Variants in NCK1 observed in about 807,000 individuals in gnomAD.
NCK1 encodes the protein NCK adaptor protein 1.
Under a neutral mutation model 36.6 loss-of-function variants are expected in NCK1, and 19 were observed. The observed-to-expected ratio is 0.52, with a 90% CI of 0.36 to 0.76. The LOEUF is 0.76. Ranked by LOEUF, NCK1 falls within the 30% of genes least tolerant of loss-of-function variation. The pLI, the probability that NCK1 is intolerant of heterozygous loss-of-function variation, is 0.00. For missense variants in NCK1, 358 were observed against 445.6 expected (o/e 0.80, Z 1.77); for synonymous variants, 165 against 156.0 (o/e 1.06, Z -0.43).
At position 136,917,062 on chromosome 3, in the gene NCK1, A is replaced by G. The variant is rs112010439; in HGVS notation, c.-18-10922A>G. ...CATTTGTAATTTATCAAATGTATTCATATGTAATATGTAAACATAGTATAA... is the reference window on the plus strand; with the variant it reads ...CATTTGTAATTTATCAAATGTATTCGTATGTAATATGTAAACATAGTATAA... On this transcript the variant is annotated intron_variant, in intron 1 of 3. Coordinates refer to ENST00000481752, the MANE Select transcript of NCK1 (RefSeq NM_001291999.2). Among the ~76,000 whole-genome samples, 5 of 152,356 alleles carry G rather than the reference A, an allele frequency of 3.3e-5. 1 individual carries two copies. The highest frequency in any genetic ancestry group is 1.2e-4 in the African/African-American group (5 of 41,590).
intron 3 of NCK1, among the ~76,000 whole-genome samples, chr3:136,947,900 C>A (rs1160718016): frequency 6.6e-6 from 1 of 152,112 alleles, no homozygotes; most frequent in African/African-American, 2.4e-5. Context: ...ATGTGTTTCT[C>A]TGACTGGAGA....
rs368795229 is a variant in NCK1, at chr3:136,867,202, CCCTTCCTTCCTT to C, written c.-19+4860_-19+4871del. 3.7e-4 allele frequency among the ~76,000 whole-genome samples: 38 copies of C among 103,202 alleles called. 4 individuals are homozygous for C. The highest frequency in any genetic ancestry group is 1.2e-3 in the African/African-American group (33 of 27,448). 67.7% of individuals were successfully genotyped at this position (103,202 alleles called of 152,430 possible). A position where few individuals can be genotyped will look rare whatever the true frequency, so the allele number is the denominator to read the frequency against. ...CTTCTTTCTTTCTTTTCTTTCTTTT[CCCTTCCTTCCTT>C]CCTTCCTTCCGTCCATCCATCCGTC... On this transcript the variant is annotated intron_variant, in intron 1 of 3. Coordinates refer to ENST00000481752, the MANE Select transcript of NCK1 (RefSeq NM_001291999.2).
chr3:136,941,126 T>C (rs1002255371), intron 2 of NCK1, among the ~76,000 whole-genome samples: 4 of 147,732 alleles, frequency 2.7e-5, no homozygotes, highest in Non-Finnish European at 6.0e-5. Context: ...CTTTTTTTTT[T>C]TTTTTTTTGG....
At chr3:136,883,278 A>G (rs1337980982) in intron 1 of NCK1, among the ~76,000 whole-genome samples, 3 of 152,146 alleles carry the variant, frequency 2.0e-5, no homozygotes, top group African/African-American at 7.2e-5. Context: ...CTCACATTGT[A>G]CCACTTTTGC....
chr3:136,881,715 C>A (rs1938942980), intron 1 of NCK1, among the ~76,000 whole-genome samples: 1 of 152,176 alleles, frequency 6.6e-6, no homozygotes, highest in Non-Finnish European at 1.5e-5. Context: ...AACCACTATT[C>A]TTCATGTTTC....
intron 1 of NCK1, among the ~76,000 whole-genome samples, chr3:136,868,392 A>G (rs1014715639): frequency 1.3e-5 from 2 of 151,716 alleles, no homozygotes; most frequent in Non-Finnish European, 2.9e-5. Flanking sequence ...CAGTGGGGCA[A>G]TCTCGGATCA....
intron 1 of NCK1, chr3:136,889,273 C>T (rs1425695710): frequency 1.1e-5 from 2 of 178,208 alleles, no homozygotes. Flanking sequence ...GTCTCTCTGA[C>T]TTCAAGAATG....
At chr3:136,915,054 T>A (rs1346630092) in intron 1 of NCK1, among the ~76,000 whole-genome samples, 1 of 152,212 alleles carries the variant, frequency 6.6e-6, no homozygotes, top group African/African-American at 2.4e-5. Context: ...TCTCACCAGA[T>A]GAAGATGCCC....
chr3:136,907,384 C>G (rs1939712784), intron 1 of NCK1, among the ~76,000 whole-genome samples: 1 of 152,154 alleles, frequency 6.6e-6, no homozygotes, highest in African/African-American at 2.4e-5. Context: ...TGAAGGTACA[C>G]TGTACCTGCT....
intron 2 of NCK1, chr3:136,930,611 A>G (rs1940365913): frequency 6.9e-7 from 1 of 1,441,724 alleles, no homozygotes; most frequent in South Asian, 1.4e-5. Flanking sequence ...TAATCTGTTT[A>G]TTAAATCCAC....
intron 1 of NCK1, among the ~76,000 whole-genome samples, chr3:136,879,791 A>G (rs528424995): frequency 5.9e-5 from 9 of 152,156 alleles, no homozygotes; most frequent in African/African-American, 1.4e-4. Flanking sequence ...GAGTTGAACA[A>G]TGAGAACACA....
chr3:136,873,562 G>A (rs1040696302), intron 1 of NCK1, among the ~76,000 whole-genome samples: 4 of 152,128 alleles, frequency 2.6e-5, no homozygotes, highest in African/African-American at 9.7e-5. Flanking sequence ...GGCATGATTG[G>A]TTTTGAAATG....
chr3:136,893,105 T>C (rs1312898695), intron 1 of NCK1, among the ~76,000 whole-genome samples: 1 of 150,276 alleles, frequency 6.7e-6, no homozygotes, highest in Non-Finnish European at 1.5e-5. Flanking sequence ...CTGCTGCAAA[T>C]GCCATTATTT....
chr3:136,865,871 T>C (rs928784838), intron 1 of NCK1, among the ~76,000 whole-genome samples: 1 of 152,238 alleles, frequency 6.6e-6, no homozygotes, highest in Non-Finnish European at 1.5e-5. Context: ...GACTTTGTTT[T>C]GGTGACATTA....
intron 1 of NCK1, among the ~76,000 whole-genome samples, chr3:136,893,353 G>T (rs966225975): frequency 2.5e-5 from 2 of 78,778 alleles, no homozygotes; most frequent in Non-Finnish European, 5.7e-5. Flanking sequence ...TCTTGCAGGA[G>T]TAAGGTGGTA....
In NCK1 at chr3:136,900,140, G is replaced by T. The variant is rs1012026066; in HGVS notation, c.-18-27844G>T. On this transcript the variant is annotated intron_variant, in intron 1 of 3. Coordinates refer to ENST00000481752, the MANE Select transcript of NCK1 (RefSeq NM_001291999.2). ...CTTGTTGGCTGTAGTGGTGGTTTCA[G>T]TTCCCACCCAAAACCAGACATTGGC... 1.6e-5 allele frequency: 5 copies of T among 319,650 alleles called. No individual in the cohort carries two copies. In the South Asian group the frequency reaches 1.9e-4, roughly 12 times the overall value. 19.8% of individuals were successfully genotyped at this position (319,650 alleles called of 1,614,324 possible).
chr3:136,863,809 A>T lies in NCK1; in HGVS notation c.-19+1456A>T, dbSNP rs1013375718. ...AAACCTACGTGTAATGTTTTGTTCG[A>T]TACTGAGGGAGTCCAGGCGGGGTAG... On this transcript the variant is annotated intron_variant, in intron 1 of 3. Coordinates refer to ENST00000481752, the MANE Select transcript of NCK1 (RefSeq NM_001291999.2). Among the ~76,000 whole-genome samples the T allele has an allele frequency of 6.6e-5, 10 of 151,618 alleles. 1 individual carries two copies. The highest frequency in any genetic ancestry group is 1.3e-4 in the Non-Finnish European group (9 of 67,930).
chr3:136,941,116 CTTTTT>C (rs34776608), intron 2 of NCK1, among the ~76,000 whole-genome samples: 2 of 100,098 alleles, frequency 2.0e-5, no homozygotes, highest in Admixed American at 1.1e-4. Flanking sequence ...ATTTCTTTTT[CTTTTT>C]TTTTTTTTTT....
chr3:136,882,078 T>A (rs1347112643), intron 1 of NCK1, among the ~76,000 whole-genome samples: 1 of 152,208 alleles, frequency 6.6e-6, no homozygotes, highest in African/African-American at 2.4e-5. Context: ...AAACTATTTT[T>A]TATCTTTTGA....
Sources: gnomAD v4.1 joint callset for allele counts (sites outside exome capture counted in the v4.1 genomes callset) on GRCh38, gnomAD v4.1.1 for gene constraint, MANE v1.5 for transcripts, NCBI Gene and HGNC (gene_info 2026-07-23, HGNC 2026-07-21) for gene names.